CDH12: variants seen among roughly 807,000 people sequenced by gnomAD.
The protein encoded by CDH12 is cadherin 12, also known as cadherin-12.
Under a neutral mutation model 74.1 loss-of-function variants are expected in CDH12, and 41 were observed. The ratio of observed to expected loss-of-function variants is 0.55; its 90% CI spans 0.43 to 0.72. The LOEUF is 0.72. Among genes scored for constraint, CDH12 ranks in the 30% least tolerant of loss-of-function variants. CDH12 has a pLI of 0.00. For synonymous variants in CDH12, 399 were observed against 355.0 expected, an observed-to-expected ratio of 1.12 and a Z score of -1.39; for missense variants, 945 against 977.2, an observed-to-expected ratio of 0.97 and a Z score of 0.44.
Position 22,849,527 on chromosome 5 carries a change from A to G in CDH12, c.-523+3531T>C, listed in dbSNP as rs930787662. ...CCTGTGTCCTAATGTTTGACTATGT[A>G]TTTGGACTTGGAACCAAGCATGCAT... On this transcript the variant is annotated intron_variant, in intron 1 of 14. Coordinates refer to ENST00000382254, the MANE Select transcript of CDH12 (RefSeq NM_004061.5). 7.2e-5 allele frequency among the ~76,000 whole-genome samples: 11 copies of G among 152,266 alleles called. No homozygotes were observed. The South Asian group carries it at 2.3e-3, about 32-fold the overall frequency.
chr5:22,801,213 C>T (rs1024288908), intron 1 of CDH12, among the ~76,000 whole-genome samples: 7 of 152,070 alleles, frequency 4.6e-5, no homozygotes, highest in African/African-American at 1.7e-4. Flanking sequence ...TTGGTGGAGC[C>T]AGTGTTCTAG....
At chr5:22,159,131 C>A (rs1242362084) in intron 4 of CDH12, among the ~76,000 whole-genome samples, 4 of 151,684 alleles carry the variant, frequency 2.6e-5, no homozygotes, top group Non-Finnish European at 4.4e-5. Flanking sequence ...ATGTCATGTG[C>A]AAAATAAAGA....
intron 3 of CDH12, among the ~76,000 whole-genome samples, chr5:22,265,530 T>C (rs553215374): frequency 6.6e-6 from 1 of 152,316 alleles, no homozygotes; most frequent in Admixed American, 6.5e-5. Context: ...AGAGAATTGA[T>C]ATTAAAAATT....
intron 9 of CDH12, among the ~76,000 whole-genome samples, chr5:21,809,408 T>C (rs1224882323): frequency 6.6e-6 from 1 of 152,156 alleles, no homozygotes; most frequent in Non-Finnish European, 1.5e-5. Context: ...ATATGTGTCA[T>C]GTCCACATAC....
In CDH12 at chr5:22,078,710, A is replaced by G. The variant is rs1278231856; in HGVS notation, c.-34T>C. On this transcript the variant is annotated 5_prime_UTR_variant, in exon 5 of 15. Transcript: ENST00000382254. ...GCTTTCCTACAGCAGAGTAATAAAA[A>G]CTCCAACACTTAACGTAGAATTGTG... 1.2e-6 allele frequency: 2 copies of G among 1,603,644 alleles called. No individual in the cohort carries two copies. The highest frequency in any genetic ancestry group is 1.7e-6 in the Non-Finnish European group (2 of 1,174,020).
intron 5 of CDH12, among the ~76,000 whole-genome samples, chr5:22,069,554 C>G (rs1469345361): frequency 6.6e-6 from 1 of 152,102 alleles, no homozygotes; most frequent in Non-Finnish European, 1.5e-5. Context: ...CTATGCAGGT[C>G]TAGAGGTCTT....
At chr5:22,101,866 G>A (rs1744156094) in intron 4 of CDH12, among the ~76,000 whole-genome samples, 1 of 152,080 alleles carries the variant, frequency 6.6e-6, no homozygotes, top group South Asian at 2.1e-4. Context: ...ACACATTTTA[G>A]GCTTTGTGGA....
At chr5:22,658,328 A>G (rs1202115990) in intron 1 of CDH12, among the ~76,000 whole-genome samples, 1 of 152,124 alleles carries the variant, frequency 6.6e-6, no homozygotes, top group East Asian at 1.9e-4. Flanking sequence ...GGTGTTTTGA[A>G]CGACTGTGAT....
rs1201813330 is a variant in CDH12 at position 22,756,116 on chromosome 5, A to AG, written c.-523+96941_-523+96942insC. Among the ~76,000 whole-genome samples, 114 of 147,818 alleles carry AG rather than the reference A, an allele frequency of 7.7e-4. 1 individual carries two copies. Among genetic ancestry groups the AG allele is most frequent in the African/African-American group, 2.6e-3 (104 of 39,628 alleles). On this transcript the variant is annotated intron_variant, in intron 1 of 14. Transcript: ENST00000382254. Reference sequence around the variant, plus strand: ...AAGGACCGAAAAAAAAAAAAAAAAAAAAAGAAAGAAAGAAAAGAAATGGAC... The same window carrying AG: ...AAGGACCGAAAAAAAAAAAAAAAAAAGAAAGAAAGAAAGAAAAGAAATGGAC...
chr5:21,903,962 T>C (rs1006966871), intron 6 of CDH12, among the ~76,000 whole-genome samples: 1 of 152,108 alleles, frequency 6.6e-6, no homozygotes, highest in African/African-American at 2.4e-5. Context: ...AAGACATGGA[T>C]TTCCAGATTA....
At chr5:22,359,244 G>A (rs926811806) in intron 3 of CDH12, among the ~76,000 whole-genome samples, 3 of 152,042 alleles carry the variant, frequency 2.0e-5, no homozygotes, top group Non-Finnish European at 4.4e-5. Flanking sequence ...GATCTACCAA[G>A]CAAATGGAAA....
intron 1 of CDH12, among the ~76,000 whole-genome samples, chr5:22,649,851 A>G (rs1739641030): frequency 6.6e-6 from 1 of 151,994 alleles, no homozygotes; most frequent in Non-Finnish European, 1.5e-5. Flanking sequence ...AACATGCACA[A>G]CATTCACAAC....
chr5:22,599,988 A>G (rs1736779698), intron 1 of CDH12, among the ~76,000 whole-genome samples: 1 of 152,112 alleles, frequency 6.6e-6, no homozygotes, highest in African/African-American at 2.4e-5. Context: ...TTTTCTAATG[A>G]GCACACTATT....
At chr5:22,746,962 A>G (rs893719636) in intron 1 of CDH12, among the ~76,000 whole-genome samples, 3 of 152,174 alleles carry the variant, frequency 2.0e-5, no homozygotes, top group Non-Finnish European at 4.4e-5. Context: ...AATCCAAGAT[A>G]AAAACTTTAA....
intron 2 of CDH12, among the ~76,000 whole-genome samples, chr5:22,444,820 A>G (rs1387866345): frequency 1.3e-5 from 2 of 151,992 alleles, no homozygotes; most frequent in African/African-American, 4.8e-5. Context: ...AGTTCCCAAT[A>G]TATTAGTTTT....
intron 2 of CDH12, among the ~76,000 whole-genome samples, chr5:22,444,530 T>C (rs1421567522): frequency 1.5e-5 from 2 of 135,530 alleles, no homozygotes; most frequent in African/African-American, 5.3e-5. Flanking sequence ...GTCACACAGT[T>C]TTTTAACAGT....
chr5:22,324,674 T>C (rs1478090856), intron 3 of CDH12, among the ~76,000 whole-genome samples: 3 of 151,964 alleles, frequency 2.0e-5, no homozygotes, highest in African/African-American at 7.2e-5. Context: ...GAAAAATGTA[T>C]GTATTTATAA....
At chr5:22,845,015 C>T (rs1000305311) in intron 1 of CDH12, among the ~76,000 whole-genome samples, 1 of 152,082 alleles carries the variant, frequency 6.6e-6, no homozygotes, top group Non-Finnish European at 1.5e-5. Context: ...GGCCTTCTTC[C>T]CCCTTTTCAG....
At chr5:21,802,846 C>T (rs553863486) in intron 9 of CDH12, among the ~76,000 whole-genome samples, 2 of 152,028 alleles carry the variant, frequency 1.3e-5, no homozygotes, top group Non-Finnish European at 2.9e-5. Context: ...CCCACCTCGG[C>T]CTCCCAAAGG....
Sources: allele counts gnomAD v4.1 joint callset (sites outside exome capture counted in the v4.1 genomes callset), GRCh38; gene constraint gnomAD v4.1.1; transcripts MANE v1.5; gene names NCBI Gene and HGNC (gene_info 2026-07-23, HGNC 2026-07-21).